EXOC4: variants seen among roughly 807,000 people sequenced by gnomAD.
The protein encoded by EXOC4 is SEC8-like 1.
In EXOC4, 71 loss-of-function variants were observed where a neutral mutation model predicts 107.2. The ratio of observed to expected loss-of-function variants is 0.66; its 90% confidence interval spans 0.55 to 0.81. The LOEUF (loss-of-function observed/expected upper bound fraction) is 0.81. Ranked by LOEUF, EXOC4 falls within the 30% of genes least tolerant of loss-of-function variation. The probability of loss-of-function intolerance (pLI) is 0.00; values close to 1 mark genes in which losing one functional copy is unlikely to be tolerated. For missense variants in EXOC4, 1,108 were observed against 1,189.6 expected, an observed-to-expected ratio of 0.93 and a Z score of 1.01; for synonymous variants, 456 against 441.2, an observed-to-expected ratio of 1.03 and a Z score of -0.42.
At chr7:134,036,907 C>A (rs1795403026) in intron 17 of EXOC4, among the ~76,000 whole-genome samples, 1 of 152,080 alleles carries the variant, frequency 6.6e-6, no homozygotes, top group Non-Finnish European at 1.5e-5. Context: ...GAGATGATTT[C>A]TTTACACTTT....
At chr7:133,506,704 C>A (rs1341959656) in intron 9 of EXOC4, among the ~76,000 whole-genome samples, 1 of 152,004 alleles carries the variant, frequency 6.6e-6, no homozygotes, top group Non-Finnish European at 1.5e-5. Flanking sequence ...AACATCATTT[C>A]TTTTCATCCT....
rs935815997 is a variant in EXOC4 at position 133,430,358 on chromosome 7, C to T, written c.1183-44970C>T. Among the ~76,000 whole-genome samples the T allele has an allele frequency of 4.6e-5, 7 of 152,170 alleles. No homozygotes were observed. The East Asian group carries it at 5.8e-4, about 13-fold the overall frequency. On this transcript the variant is annotated intron_variant, in intron 7 of 17. Transcript: ENST00000253861. The stretch of plus-strand genomic sequence containing the variant: ...GGTTTTGGAAAAAGCAACATTTGAG[C>T]GGGAAAACGGGATAACTCTTCTCAT...
intron 13 of EXOC4, among the ~76,000 whole-genome samples, chr7:133,933,683 AG>A (rs1416679534): frequency 6.6e-6 from 1 of 152,212 alleles, no homozygotes; most frequent in Non-Finnish European, 1.5e-5. Context: ...GGTCTTCTGC[AG>A]GGGACAAGTG....
intron 9 of EXOC4, among the ~76,000 whole-genome samples, chr7:133,626,378 A>G (rs891656547): frequency 6.6e-6 from 1 of 152,130 alleles, no homozygotes; most frequent in Admixed American, 6.6e-5. Flanking sequence ...TTTGTTTCTG[A>G]CAGCTTGATT....
At chr7:133,991,553 T>A (rs1231954123) in intron 14 of EXOC4, among the ~76,000 whole-genome samples, 1 of 152,208 alleles carries the variant, frequency 6.6e-6, no homozygotes, top group African/African-American at 2.4e-5. Context: ...ATTTCCCCAA[T>A]GCTTTTTTCT....
intron 7 of EXOC4, among the ~76,000 whole-genome samples, chr7:133,458,373 C>T (rs981640364): frequency 6.6e-6 from 1 of 152,170 alleles, no homozygotes; most frequent in African/African-American, 2.4e-5. Context: ...TATAATTGAT[C>T]AAGTATATTC....
At chr7:133,269,121 T>C (rs1176788599) in intron 1 of EXOC4, among the ~76,000 whole-genome samples, 2 of 152,220 alleles carry the variant, frequency 1.3e-5, no homozygotes, top group Non-Finnish European at 2.9e-5. Flanking sequence ...ATGTCTTTTA[T>C]TTAGCTCATG....
intron 7 of EXOC4, among the ~76,000 whole-genome samples, chr7:133,419,992 T>A (rs1171072331): frequency 2.7e-5 from 4 of 147,846 alleles, no homozygotes; most frequent in African/African-American, 1.0e-4. Context: ...TATTATACTT[T>A]AAGTTTTAGG....
At chr7:133,830,555 G>C (rs913134983) in intron 11 of EXOC4, among the ~76,000 whole-genome samples, 2 of 152,180 alleles carry the variant, frequency 1.3e-5, no homozygotes, top group Non-Finnish European at 2.9e-5. Flanking sequence ...GGTAGGGTAC[G>C]TAAAAGCAAA....
At chr7:134,086,959 C>T in the EXOC4 span, among the ~76,000 whole-genome samples, 164 of 152,184 alleles carry the variant, frequency 1.1e-3, no homozygotes, top group Middle Eastern at 6.8e-3. Flanking sequence ...GCAGTGAGGA[C>T]GACCAGAAGT....
intron 3 of EXOC4, chr7:133,291,091 G>A (rs1794394553): frequency 6.6e-6 from 1 of 152,030 alleles, no homozygotes; most frequent in African/African-American, 2.4e-5. Flanking sequence ...GCCAGGTTGG[G>A]TATGATAATC....
Position 133,997,551 on chromosome 7 carries a change from A to T in EXOC4, c.2266A>T (p.Ile756Phe), listed in dbSNP as rs745992432. ...GGATCTCCCCCCAGTGTCAGAGCAG[A>T]TCATGCAGACTCTCAGTGAACTTGC... ...NTDLPPVSEQ[I>F]MQTLSELAKS... Residue 756 changes from isoleucine (I) to phenylalanine (F), a missense_variant, in exon 15 of 18, where the codon ATC becomes TTC. Coordinates refer to ENST00000253861, the MANE Select transcript of EXOC4 (RefSeq NM_021807.4). 2 of 1,613,780 alleles carry T rather than the reference A, an allele frequency of 1.2e-6. No homozygotes were observed. Among genetic ancestry groups the T allele is most frequent in the East Asian group, 2.2e-5 (1 of 44,868 alleles).
chr7:133,471,774 A>G (rs1043436987), intron 7 of EXOC4, among the ~76,000 whole-genome samples: 2 of 152,140 alleles, frequency 1.3e-5, no homozygotes, highest in African/African-American at 4.8e-5. Context: ...GCATGGCCCT[A>G]TGGTGGAAGT....
intron 9 of EXOC4, among the ~76,000 whole-genome samples, chr7:133,551,244 C>A (rs1800582329): frequency 6.6e-6 from 1 of 152,098 alleles, no homozygotes; most frequent in Non-Finnish European, 1.5e-5. Flanking sequence ...TCATTCTATT[C>A]CTATGCAACA....
Position 133,497,316 on chromosome 7 carries a change from C to A in EXOC4, c.1417+17178C>A, listed in dbSNP as rs184316896. 1.3e-3 allele frequency among the ~76,000 whole-genome samples: 193 copies of A among 152,198 alleles called. 1 individual carries two copies. The highest frequency in any genetic ancestry group is 6.8e-3 in the Middle Eastern group (2 of 294). ...TTTGTGAAATTGTCCCTTTGAGACT[C>A]CCATGTAGTTCCTAAGACTGATGGA... On this transcript the variant is annotated intron_variant, in intron 9 of 17. Coordinates refer to ENST00000253861, the MANE Select transcript of EXOC4 (RefSeq NM_021807.4).
At chr7:133,476,303 G>T (rs1584946846) in intron 8 of EXOC4, among the ~76,000 whole-genome samples, 1 of 152,122 alleles carries the variant, frequency 6.6e-6, no homozygotes, top group Non-Finnish European at 1.5e-5. Context: ...GACATGAAAG[G>T]TTAAGTAATT....
At chr7:133,909,556 T>G (rs1322091234) in intron 12 of EXOC4, among the ~76,000 whole-genome samples, 1 of 152,190 alleles carries the variant, frequency 6.6e-6, no homozygotes, top group Non-Finnish European at 1.5e-5. Context: ...GAATGAATAC[T>G]GAGTGACATT....
At chr7:133,903,984 A>T (rs1799512203) in intron 12 of EXOC4, among the ~76,000 whole-genome samples, 1 of 152,114 alleles carries the variant, frequency 6.6e-6, no homozygotes, top group South Asian at 2.1e-4. Context: ...ATAAATGTAA[A>T]TGTTTTTGTG....
chr7:133,273,818 G>A (rs1185913929), intron 1 of EXOC4, among the ~76,000 whole-genome samples: 1 of 151,920 alleles, frequency 6.6e-6, no homozygotes, highest in Non-Finnish European at 1.5e-5. Flanking sequence ...TTCTAATGAT[G>A]GACTTATAAT....
Sources: allele counts gnomAD v4.1 joint callset (sites outside exome capture counted in the v4.1 genomes callset), GRCh38; gene constraint gnomAD v4.1.1; transcripts MANE v1.5; gene names NCBI Gene and HGNC (gene_info 2026-07-23, HGNC 2026-07-21).